TAFA1: variants seen among roughly 807,000 people sequenced by gnomAD.
The protein encoded by TAFA1 is TAFA chemokine like family member 1, also known as chemokine-like protein TAFA-1.
In TAFA1, 4 loss-of-function variants were observed where a neutral mutation model predicts 18.5. That is an observed-to-expected ratio of 0.22 (90% CI 0.11 to 0.49). TAFA1 has a LOEUF of 0.49. Among genes scored for constraint, TAFA1 ranks in the 20% least tolerant of loss-of-function variants. The pLI, the probability that TAFA1 is intolerant of heterozygous loss-of-function variation, is 0.98. For missense variants in TAFA1, 147 were observed against 169.0 expected, an observed-to-expected ratio of 0.87 and a Z score of 0.72; for synonymous variants, 56 against 55.2, an observed-to-expected ratio of 1.01 and a Z score of -0.06.
chr3:68,405,693 C>CT (rs1452534945), intron 2 of TAFA1, among the ~76,000 whole-genome samples: 1 of 70,218 alleles, frequency 1.4e-5, no homozygotes, highest in Non-Finnish European at 2.6e-5. Flanking sequence ...GAGTGAGACT[C>CT]TATCTCAAAA....
chr3:68,453,257 A>G (rs1340053395), intron 3 of TAFA1, among the ~76,000 whole-genome samples: 3 of 152,134 alleles, frequency 2.0e-5, no homozygotes, highest in Non-Finnish European at 2.9e-5. Context: ...CCCTTGTTTA[A>G]TTTGTGCTGG....
At chr3:68,390,849 T>A (rs928939675) in intron 2 of TAFA1, among the ~76,000 whole-genome samples, 13 of 152,234 alleles carry the variant, frequency 8.5e-5, no homozygotes, top group African/African-American at 3.1e-4. Context: ...AAACTGCATC[T>A]GAAGGTCACC....
At chr3:68,108,556 A>C (rs2065230016) in intron 2 of TAFA1, among the ~76,000 whole-genome samples, 1 of 152,012 alleles carries the variant, frequency 6.6e-6, no homozygotes, top group Admixed American at 6.6e-5. Context: ...GGGATTCCAC[A>C]ACATTTGTTG....
At chr3:67,993,712 A>T in the TAFA1 span, among the ~76,000 whole-genome samples, 3 of 152,194 alleles carry the variant, frequency 2.0e-5, no homozygotes, top group Non-Finnish European at 2.9e-5. Context: ...GTATACCAGT[A>T]CATCTTCTAT....
At chr3:68,037,630 T>G (rs940762901) in intron 2 of TAFA1, among the ~76,000 whole-genome samples, 8 of 152,152 alleles carry the variant, frequency 5.3e-5, no homozygotes, top group African/African-American at 1.7e-4. Context: ...TGGAAAAAAA[T>G]CAGCCTATAA....
At chr3:68,254,105 C>CTATG (rs60606466) in intron 2 of TAFA1, among the ~76,000 whole-genome samples, 5,748 of 145,036 alleles carry the variant, frequency 0.04, 207 homozygotes, top group African/African-American at 0.092. Flanking sequence ...ATCTACCTGT[C>CTATG]TATGTATGTA....
At chr3:68,140,675 A>G (rs987241951) in intron 2 of TAFA1, among the ~76,000 whole-genome samples, 2 of 152,184 alleles carry the variant, frequency 1.3e-5, no homozygotes, top group Admixed American at 6.5e-5. Context: ...GGAGTTGGGT[A>G]TGAGAATTCA....
intron 2 of TAFA1, among the ~76,000 whole-genome samples, chr3:68,032,239 A>C (rs1704950624): frequency 6.6e-6 from 1 of 152,158 alleles, no homozygotes; most frequent in Non-Finnish European, 1.5e-5. Context: ...ATAGACAAAC[A>C]TTTTCTCTAG....
rs148861330 is a variant in TAFA1, at chr3:68,520,914, A to G, written c.260-17842A>G. Reference sequence around the variant, plus strand: ...GTCAAACACCTGGATTCATTCAATCATTTAGTTATTCCACAAATATTTATT... The same window carrying G: ...GTCAAACACCTGGATTCATTCAATCGTTTAGTTATTCCACAAATATTTATT... On this transcript the variant is annotated intron_variant, in intron 3 of 4. Coordinates refer to ENST00000478136, the MANE Select transcript of TAFA1 (RefSeq NM_213609.4). 5.9e-5 allele frequency among the ~76,000 whole-genome samples: 9 copies of G among 152,366 alleles called. No homozygotes were observed. In the East Asian group the frequency reaches 1.7e-3, roughly 29 times the overall value.
At chr3:68,248,004 AAC>A (rs1412041049) in intron 2 of TAFA1, among the ~76,000 whole-genome samples, 1 of 152,208 alleles carries the variant, frequency 6.6e-6, no homozygotes, top group African/African-American at 2.4e-5. Context: ...TTGAATATTG[AAC>A]CACTGTTGGC....
At chr3:68,016,494 C>T (rs1377747111) in intron 2 of TAFA1, among the ~76,000 whole-genome samples, 1 of 152,126 alleles carries the variant, frequency 6.6e-6, no homozygotes, top group Non-Finnish European at 1.5e-5. Context: ...TACACAAATA[C>T]TTATCGTTGT....
chr3:68,440,515 C>T lies in TAFA1; in HGVS notation c.259+23095C>T, dbSNP rs138530514. ...GAGGAAATATGACAATTACAGCCCTCGTTTCTGCAACTGGTCACGTGGTCA... is the reference window on the plus strand; with the variant it reads ...GAGGAAATATGACAATTACAGCCCTTGTTTCTGCAACTGGTCACGTGGTCA... On this transcript the variant is annotated intron_variant, in intron 3 of 4. Transcript: ENST00000478136. 2.3e-3 allele frequency among the ~76,000 whole-genome samples: 354 copies of T among 152,260 alleles called. 5 individuals carry two copies. In the East Asian group the frequency reaches 0.031, roughly 13 times the overall value.
intron 2 of TAFA1, among the ~76,000 whole-genome samples, chr3:68,066,248 G>A (rs916344664): frequency 6.6e-6 from 1 of 152,130 alleles, no homozygotes; most frequent in Non-Finnish European, 1.5e-5. Context: ...CTGTGTTGGT[G>A]AGTGTATTGT....
intron 3 of TAFA1, among the ~76,000 whole-genome samples, chr3:68,439,408 C>CATATATATATATATATAT (rs1341782542): frequency 1.4e-4 from 4 of 28,236 alleles, no homozygotes; most frequent in African/African-American, 2.1e-4. Context: ...AATATATATA[C>CATATATATATATATATAT]ATACATATAT....
chr3:68,069,975 A>C (rs571898564), intron 2 of TAFA1, among the ~76,000 whole-genome samples: 1 of 152,236 alleles, frequency 6.6e-6, no homozygotes, highest in Non-Finnish European at 1.5e-5. Flanking sequence ...ACGGGCTGGC[A>C]TTGAGTGTCT....
intron 2 of TAFA1, among the ~76,000 whole-genome samples, chr3:68,369,960 T>C (rs1026280220): frequency 6.6e-6 from 1 of 151,968 alleles, no homozygotes; most frequent in Admixed American, 6.6e-5. Context: ...GAAATGTATA[T>C]TTGTTTTAAA....
intron 2 of TAFA1, among the ~76,000 whole-genome samples, chr3:68,257,087 C>T (rs1040312987): frequency 6.6e-6 from 1 of 152,136 alleles, no homozygotes; most frequent in Non-Finnish European, 1.5e-5. Context: ...CCAGCCTTCT[C>T]TCTGGCCCTT....
intron 3 of TAFA1, among the ~76,000 whole-genome samples, chr3:68,535,935 T>A (rs1051805706): frequency 2.9e-4 from 44 of 152,168 alleles, no homozygotes; most frequent in African/African-American, 1.1e-3. Context: ...GCATGGGATA[T>A]GGTGTCCACT....
At chr3:68,411,281 G>A (rs185758026) in intron 2 of TAFA1, among the ~76,000 whole-genome samples, 112 of 152,236 alleles carry the variant, frequency 7.4e-4, no homozygotes, top group Admixed American at 2.0e-3. Context: ...TAGGAATGTG[G>A]GACGGTGTGT....
Sources: allele counts gnomAD v4.1 joint callset (sites outside exome capture counted in the v4.1 genomes callset), GRCh38; gene constraint gnomAD v4.1.1; transcripts MANE v1.5; gene names NCBI Gene and HGNC (gene_info 2026-07-23, HGNC 2026-07-21).